Variants in CHN2 observed in about 807,000 individuals in gnomAD.
The protein encoded by CHN2 is beta-chimaerin.
CHN2 carries 35 observed loss-of-function variants against 56.3 expected under a neutral mutation model. The ratio of observed to expected loss-of-function variants is 0.62; its 90% CI spans 0.47 to 0.82. The LOEUF is 0.82. Among genes scored for constraint, CHN2 ranks in the 40% least tolerant of loss-of-function variants. The probability of loss-of-function intolerance (pLI) is 0.00; values close to 1 mark genes in which losing one functional copy is unlikely to be tolerated. For missense variants in CHN2, 491 were observed against 580.5 expected, an observed-to-expected ratio of 0.85 and a Z score of 1.58; for synonymous variants, 210 against 212.8, an observed-to-expected ratio of 0.99 and a Z score of 0.12.
rs1466850032 is a variant in CHN2 at position 29,512,710 on chromosome 7, T to C, written c.1382T>C (p.Ile461Thr). 3 of 1,614,168 alleles carry C rather than the reference T, an allele frequency of 1.9e-6. No individual in the cohort carries two copies. Among genetic ancestry groups the C allele is most frequent in the Non-Finnish European group, 1.7e-6 (2 of 1,180,008 alleles). Reference sequence around the variant, plus strand: ...CAAAAGCTGATTGTGCAGATTTTAATAGAAAACGAAGACGTTTTATTCTAA... The same window carrying C: ...CAAAAGCTGATTGTGCAGATTTTAACAGAAAACGAAGACGTTTTATTCTAA... Reference protein sequence around the residue: ...RYQKLIVQILIENEDVLF With the variant: ...RYQKLIVQILTENEDVLF Residue 461 changes from isoleucine (I) to threonine (T), a missense_variant, in exon 13 of 13, where the codon ATA becomes ACA. Ile to Thr is a moderately conservative substitution (Grantham distance 89, BLOSUM62 -1). Coordinates refer to ENST00000222792, the MANE Select transcript of CHN2 (RefSeq NM_004067.4).
chr7:29,346,508 A>G (rs1262918733), intron 1 of CHN2, among the ~76,000 whole-genome samples: 1 of 152,240 alleles, frequency 6.6e-6, no homozygotes, highest in Non-Finnish European at 1.5e-5. Flanking sequence ...GCATCAGTAA[A>G]TCAAAAGTGA....
At chr7:29,240,132 G>T (rs1009918174) in intron 1 of CHN2, among the ~76,000 whole-genome samples, 2 of 152,144 alleles carry the variant, frequency 1.3e-5, no homozygotes, top group African/African-American at 4.8e-5. Flanking sequence ...GCCAATTGAG[G>T]TATCCACCTT....
chr7:29,398,310 G>A (rs1801928869), intron 4 of CHN2, 63 bp from the exon 5 acceptor site: 1 of 1,277,898 alleles, frequency 7.8e-7, no homozygotes, highest in Non-Finnish European at 1.1e-6. Context: ...TTTAAGGCTA[G>A]TTCTTTGTGG....
intron 1 of CHN2, among the ~76,000 whole-genome samples, chr7:29,265,656 G>A (rs1179828879): frequency 6.6e-6 from 1 of 152,172 alleles, no homozygotes; most frequent in East Asian, 1.9e-4. Context: ...AGGCAGGCTT[G>A]AGAGAGACAT....
intron 1 of CHN2, among the ~76,000 whole-genome samples, chr7:29,332,433 G>A (rs1002455415): frequency 6.6e-5 from 10 of 152,108 alleles, no homozygotes; most frequent in East Asian, 1.9e-4. Context: ...TACTCTATGA[G>A]GATGCAAAAG....
At chr7:29,319,594 T>C (rs919572929) in intron 1 of CHN2, among the ~76,000 whole-genome samples, 5 of 152,192 alleles carry the variant, frequency 3.3e-5, no homozygotes, top group Non-Finnish European at 5.9e-5. Flanking sequence ...TGATATAAGG[T>C]CAAAGGGTCC....
chr7:29,189,546 A>G (rs1174769404), intron 2 of CHN2, among the ~76,000 whole-genome samples: 4 of 152,176 alleles, frequency 2.6e-5, no homozygotes, highest in Non-Finnish European at 1.5e-5. Flanking sequence ...TTGAAGACAG[A>G]AAAGATGTTT....
chr7:29,371,883 G>T (rs990744933), intron 3 of CHN2, among the ~76,000 whole-genome samples: 21 of 152,020 alleles, frequency 1.4e-4, no homozygotes, highest in African/African-American at 4.8e-4. Context: ...ATGTTGTGTG[G>T]TTTGGGCCAT....
intron 6 of CHN2, among the ~76,000 whole-genome samples, chr7:29,463,534 G>A (rs1323871859): frequency 6.6e-6 from 1 of 152,210 alleles, no homozygotes; most frequent in Non-Finnish European, 1.5e-5. Flanking sequence ...TAAAAGGGCA[G>A]TTTCCTGTGG....
intron 6 of CHN2, among the ~76,000 whole-genome samples, chr7:29,476,980 A>G (rs1448937777): frequency 1.3e-5 from 2 of 152,230 alleles, no homozygotes; most frequent in South Asian, 2.1e-4. Context: ...CAAATGTATT[A>G]AATGTCCCTT....
chr7:29,146,618 C>T (rs1792719441), exon 1 of CHN2: 1 of 1,550,490 alleles, frequency 6.4e-7, no homozygotes, highest in African/African-American at 1.4e-5. Context: ...AGTGCGTCGT[C>T]GTGTCCCAAC....
At chr7:29,230,678 A>G (rs1291524780) in intron 1 of CHN2, among the ~76,000 whole-genome samples, 1 of 152,154 alleles carries the variant, frequency 6.6e-6, no homozygotes, top group Non-Finnish European at 1.5e-5. Flanking sequence ...CTTTAATTCA[A>G]TTGTTTTTAT....
rs377071959 is a variant in CHN2, at chr7:29,387,491, A to T, written c.145-6188A>T. On this transcript the variant is annotated intron_variant, in intron 3 of 12. Coordinates refer to ENST00000222792, the MANE Select transcript of CHN2 (RefSeq NM_004067.4). ...TGGGACTTGCTAAAAGCCATTCCCA[A>T]TTAGAAACCAGCTATGACACGTTCT... Among the ~76,000 whole-genome samples, 18 of 152,364 alleles carry T rather than the reference A, an allele frequency of 1.2e-4. No individual in the cohort carries two copies. The East Asian group carries it at 1.7e-3, about 15-fold the overall frequency.
chr7:29,450,477 G>A (rs1417867539), intron 6 of CHN2, among the ~76,000 whole-genome samples: 3 of 152,188 alleles, frequency 2.0e-5, no homozygotes, highest in Non-Finnish European at 2.9e-5. Context: ...AGAAGTCCGG[G>A]GGAAGTGGAG....
At chr7:29,493,927 C>G (rs1033175809) in intron 7 of CHN2, among the ~76,000 whole-genome samples, 2 of 152,170 alleles carry the variant, frequency 1.3e-5, no homozygotes, top group African/African-American at 4.8e-5. Context: ...TAGATTGAAA[C>G]AAAATCCACA....
At chr7:29,250,835 C>G (rs974095087) in intron 1 of CHN2, among the ~76,000 whole-genome samples, 13 of 151,464 alleles carry the variant, frequency 8.6e-5, no homozygotes, top group African/African-American at 2.9e-4. Flanking sequence ...CTCAGCCTCT[C>G]AAGCAGCTGG....
At chr7:29,240,042 G>A (rs895554490) in intron 1 of CHN2, among the ~76,000 whole-genome samples, 8 of 152,168 alleles carry the variant, frequency 5.3e-5, no homozygotes, top group Non-Finnish European at 1.2e-4. Context: ...GATCCAGCCC[G>A]CAGGCAGCCA....
At chr7:29,311,583 C>G (rs1347327180) in intron 1 of CHN2, among the ~76,000 whole-genome samples, 1 of 152,224 alleles carries the variant, frequency 6.6e-6, no homozygotes, top group African/African-American at 2.4e-5. Context: ...CAGGTTCAAA[C>G]ACAGGCAGTG....
intron 3 of CHN2, among the ~76,000 whole-genome samples, chr7:29,383,367 G>C (rs529327914): frequency 6.6e-6 from 1 of 152,218 alleles, no homozygotes; most frequent in South Asian, 2.1e-4. Context: ...GGAGAAGATC[G>C]GTGTTCCTGC....
Sources: allele counts gnomAD v4.1 joint callset (sites outside exome capture counted in the v4.1 genomes callset), GRCh38; gene constraint gnomAD v4.1.1; transcripts MANE v1.5; gene names NCBI Gene and HGNC (gene_info 2026-07-23, HGNC 2026-07-21).